Variants in RNLS observed in about 807,000 individuals in gnomAD.
RNLS encodes the protein renalase.
Under a neutral mutation model 39.8 loss-of-function variants are expected in RNLS, and 39 were observed. That is an observed-to-expected ratio of 0.98 (90% confidence interval 0.76 to 1.28). The LOEUF (loss-of-function observed/expected upper bound fraction) is 1.28. Among genes scored for constraint, RNLS ranks in the 50% most tolerant of loss-of-function variants. RNLS has a pLI of 0.00. For missense variants in RNLS, 410 were observed against 413.3 expected, an observed-to-expected ratio of 0.99 and a Z score of 0.07; for synonymous variants, 147 against 150.7, an observed-to-expected ratio of 0.98 and a Z score of 0.18.
chr10:88,542,338 C>T (rs1848089639), intron 4 of RNLS, among the ~76,000 whole-genome samples: 1 of 150,776 alleles, frequency 6.6e-6, no homozygotes, highest in African/African-American at 2.5e-5. Flanking sequence ...GCACAGATTT[C>T]CCTTTTTGGT....
At chr10:88,302,016 T>A (rs1419590732) in intron 6 of RNLS, among the ~76,000 whole-genome samples, 1 of 152,192 alleles carries the variant, frequency 6.6e-6, no homozygotes, top group African/African-American at 2.4e-5. Context: ...TAATATTAAT[T>A]GATAACTTGC....
At chr10:88,563,387 T>C (rs1564903468) in intron 4 of RNLS, among the ~76,000 whole-genome samples, 2 of 152,146 alleles carry the variant, frequency 1.3e-5, no homozygotes, top group Admixed American at 6.6e-5. Context: ...ACTGTAAATC[T>C]CCTAAATGCC....
At chr10:88,399,663 G>A (rs868577222) in intron 4 of RNLS, among the ~76,000 whole-genome samples, 3 of 152,116 alleles carry the variant, frequency 2.0e-5, no homozygotes, top group Non-Finnish European at 2.9e-5. Context: ...TCTTTTTGAC[G>A]TGATGAAAAT....
At chr10:88,566,036 C>T (rs1260653117) in intron 4 of RNLS, among the ~76,000 whole-genome samples, 2 of 151,570 alleles carry the variant, frequency 1.3e-5, no homozygotes, top group African/African-American at 4.8e-5. Context: ...CAGAAGCCAC[C>T]GCGCCCGGCC....
At chr10:88,554,309 C>T (rs969807462) in intron 4 of RNLS, among the ~76,000 whole-genome samples, 6 of 151,846 alleles carry the variant, frequency 4.0e-5, no homozygotes, top group African/African-American at 1.2e-4. Flanking sequence ...ATGTATGCAG[C>T]GTAAATAGCA....
At chr10:88,291,331 C>A (rs940469358) in intron 6 of RNLS, among the ~76,000 whole-genome samples, 10 of 152,160 alleles carry the variant, frequency 6.6e-5, no homozygotes, top group African/African-American at 2.4e-4. Context: ...TCAGGTGAAA[C>A]TGACAGAGAT....
chr10:88,412,848 A>G (rs971855327), intron 4 of RNLS, among the ~76,000 whole-genome samples: 1 of 152,226 alleles, frequency 6.6e-6, no homozygotes, highest in Non-Finnish European at 1.5e-5. Flanking sequence ...GCCTAGAATA[A>G]TATCTGGCAA....
intron 5 of RNLS, among the ~76,000 whole-genome samples, chr10:88,354,177 A>C (rs898158006): frequency 3.3e-5 from 5 of 152,174 alleles, no homozygotes; most frequent in African/African-American, 1.2e-4. Context: ...CCAATTTGCC[A>C]GTCTCTGTCT....
chr10:88,412,100 G>A (rs1406839161), intron 4 of RNLS, among the ~76,000 whole-genome samples: 7 of 152,030 alleles, frequency 4.6e-5, no homozygotes. Flanking sequence ...TTTGCATTTT[G>A]GAAAGCCCCT....
chr10:88,288,284 A>G (rs1843423512), intron 6 of RNLS, among the ~76,000 whole-genome samples: 1 of 152,162 alleles, frequency 6.6e-6, no homozygotes, highest in South Asian at 2.1e-4. Flanking sequence ...TACTTGCCCA[A>G]AGACGGAAAG....
chr10:88,282,602 CG>C (rs1180861310), downstream of RNLS, among the ~76,000 whole-genome samples: 4 of 151,572 alleles, frequency 2.6e-5, no homozygotes, highest in South Asian at 2.1e-4. Flanking sequence ...AGTGGGTAGG[CG>C]GGGGGTGGGG....
intron 5 of RNLS, among the ~76,000 whole-genome samples, chr10:88,359,417 C>T (rs1245909675): frequency 6.6e-6 from 1 of 152,056 alleles, no homozygotes; most frequent in East Asian, 1.9e-4. Flanking sequence ...GCGAATTCAA[C>T]TAGACCCATT....
downstream of RNLS, among the ~76,000 whole-genome samples, chr10:88,271,579 C>T (rs1842650414): frequency 6.6e-6 from 1 of 152,184 alleles, no homozygotes; most frequent in African/African-American, 2.4e-5. Flanking sequence ...ACCACAGGAA[C>T]ATCCCTGGTC....
intron 4 of RNLS, among the ~76,000 whole-genome samples, chr10:88,426,810 T>C (rs924563143): frequency 6.6e-6 from 1 of 151,944 alleles, no homozygotes; most frequent in Admixed American, 6.6e-5. Flanking sequence ...CACAGCTTTC[T>C]CATAAGTGTG....
chr10:88,240,413 T>TTTTTTA, the RNLS span, among the ~76,000 whole-genome samples: 3 of 150,262 alleles, frequency 2.0e-5, no homozygotes, highest in East Asian at 3.9e-4. Context: ...GTCCTTTTTT[T>TTTTTTA]AAAAAAAAAA....
chr10:88,220,060 A>G, the RNLS span, among the ~76,000 whole-genome samples: 1 of 152,162 alleles, frequency 6.6e-6, no homozygotes, highest in African/African-American at 2.4e-5. Flanking sequence ...GTGAAGGGCC[A>G]AGGGTGGACA....
At position 88,331,037 on chromosome 10, in the gene RNLS, G is replaced by C. The variant is rs190141958; in HGVS notation, c.701-16396C>G. Among the ~76,000 whole-genome samples the C allele has an allele frequency of 2.0e-3, 303 of 152,172 alleles. 1 individual carries two copies. Among genetic ancestry groups the C allele is most frequent in the African/African-American group, 6.9e-3 (286 of 41,518 alleles). On this transcript the variant is annotated intron_variant, in intron 5 of 6. Coordinates refer to ENST00000331772, the MANE Select transcript of RNLS (RefSeq NM_001031709.3). ...ATATTGGCTAGAAAATTGGATATAA[G>C]GAAAAAATTAACTTAGGTATTCTTT...
At chr10:88,409,589 C>A (rs1483059018) in intron 4 of RNLS, among the ~76,000 whole-genome samples, 4 of 152,066 alleles carry the variant, frequency 2.6e-5, no homozygotes, top group Non-Finnish European at 5.9e-5. Context: ...ATGTATGTTA[C>A]TTAAGATTTT....
chr10:88,457,308 T>C (rs777388223), intron 4 of RNLS, among the ~76,000 whole-genome samples: 48 of 152,218 alleles, frequency 3.2e-4, no homozygotes, highest in Non-Finnish European at 6.0e-4. Context: ...TTTGGGGATA[T>C]GTGTGGCTAA....
Sources: allele counts gnomAD v4.1 joint callset (sites outside exome capture counted in the v4.1 genomes callset), GRCh38; gene constraint gnomAD v4.1.1; transcripts MANE v1.5; gene names NCBI Gene and HGNC (gene_info 2026-07-23, HGNC 2026-07-21).